Variants in CNTNAP2 observed in about 807,000 individuals in gnomAD.
The protein encoded by CNTNAP2 is contactin-associated protein-like 2.
In CNTNAP2, 98 loss-of-function variants were observed where a neutral mutation model predicts 155.2. The observed-to-expected ratio is 0.63, with a 90% CI of 0.54 to 0.75. The LOEUF (loss-of-function observed/expected upper bound fraction) is 0.75. Ranked by LOEUF, CNTNAP2 falls within the 30% of genes least tolerant of loss-of-function variation. CNTNAP2 has a pLI of 0.00. For missense variants in CNTNAP2, 1,727 were observed against 1,688.1 expected (o/e 1.02, Z -0.40); for synonymous variants, 651 against 631.2 (o/e 1.03, Z -0.47).
intron 13 of CNTNAP2, among the ~76,000 whole-genome samples, chr7:147,759,278 TTTCTCCAGACAA>T (rs1753446449): frequency 6.6e-6 from 1 of 152,184 alleles, no homozygotes; most frequent in Admixed American, 6.5e-5. Flanking sequence ...CTGCAGCCTG[TTTCTCCAGACAA>T]CTCAAAATTG....
chr7:146,845,772 T>C (rs1803829414), intron 3 of CNTNAP2, among the ~76,000 whole-genome samples: 2 of 152,210 alleles, frequency 1.3e-5, no homozygotes, highest in Admixed American at 1.3e-4. Context: ...AATACATGTT[T>C]AGATAGTGCA....
chr7:146,340,653 T>C (rs751043584), intron 1 of CNTNAP2, among the ~76,000 whole-genome samples: 3 of 152,144 alleles, frequency 2.0e-5, no homozygotes, highest in Non-Finnish European at 2.9e-5. Flanking sequence ...GGTTAACAAA[T>C]GTTAGCGATA....
chr7:146,688,022 G>A (rs1478315586), intron 1 of CNTNAP2, among the ~76,000 whole-genome samples: 2 of 152,118 alleles, frequency 1.3e-5, no homozygotes, highest in African/African-American at 4.8e-5. Flanking sequence ...CTTAATTTCT[G>A]TGGCTAAAAA....
intron 15 of CNTNAP2, among the ~76,000 whole-genome samples, chr7:148,023,237 T>A (rs968476476): frequency 6.6e-6 from 1 of 152,168 alleles, no homozygotes; most frequent in African/African-American, 2.4e-5. Context: ...AAATACATTA[T>A]AAGCCTGGGA....
At chr7:146,856,247 A>AGAT (rs1482784324) in intron 3 of CNTNAP2, among the ~76,000 whole-genome samples, 21 of 151,148 alleles carry the variant, frequency 1.4e-4, no homozygotes, top group African/African-American at 5.1e-4. Context: ...ACAGACAGAT[A>AGAT]GATAGATGAT....
chr7:146,225,253 C>A (rs951764705), intron 1 of CNTNAP2, among the ~76,000 whole-genome samples: 8 of 152,060 alleles, frequency 5.3e-5, no homozygotes, highest in Admixed American at 1.3e-4. Flanking sequence ...TGAATTCATC[C>A]AATAAACTAC....
intron 11 of CNTNAP2, among the ~76,000 whole-genome samples, chr7:147,510,850 C>CATATATATATATATATATATATAT (rs61069153): frequency 0.024 from 1,793 of 75,666 alleles, 134 homozygotes; most frequent in Middle Eastern, 0.033. Context: ...GGCCTACAAC[C>CATATATATATATATATATATATAT]ATATATATAT....
At chr7:147,168,834 A>G (rs1489591473) in intron 8 of CNTNAP2, among the ~76,000 whole-genome samples, 1 of 152,130 alleles carries the variant, frequency 6.6e-6, no homozygotes, top group Non-Finnish European at 1.5e-5. Flanking sequence ...TCCCTTTCCT[A>G]AAGCTCTTCT....
At chr7:147,991,832 A>G (rs893467405) in intron 15 of CNTNAP2, among the ~76,000 whole-genome samples, 7 of 152,194 alleles carry the variant, frequency 4.6e-5, no homozygotes, top group African/African-American at 1.7e-4. Context: ...GCTATAAACT[A>G]CCTCACTCTG....
At chr7:146,475,479 G>A (rs1296796812) in intron 1 of CNTNAP2, among the ~76,000 whole-genome samples, 2 of 152,186 alleles carry the variant, frequency 1.3e-5, no homozygotes, top group Admixed American at 1.3e-4. Flanking sequence ...AGAGTGCAGA[G>A]GCCTTTAGGA....
intron 14 of CNTNAP2, among the ~76,000 whole-genome samples, chr7:147,953,988 GAC>G (rs911844725): frequency 7.2e-5 from 11 of 152,124 alleles, no homozygotes; most frequent in African/African-American, 2.7e-4. Flanking sequence ...CTTTTTGGAA[GAC>G]ACAGTTCTAC....
chr7:147,598,913 C>T (rs1387659682), intron 12 of CNTNAP2, among the ~76,000 whole-genome samples: 1 of 152,134 alleles, frequency 6.6e-6, no homozygotes, highest in Non-Finnish European at 1.5e-5. Flanking sequence ...GACATGTTTG[C>T]TTCCCCTTCT....
At chr7:147,629,716 G>A (rs945711037) in intron 12 of CNTNAP2, among the ~76,000 whole-genome samples, 3 of 151,978 alleles carry the variant, frequency 2.0e-5, no homozygotes, top group South Asian at 4.1e-4. Context: ...TAAATCACCT[G>A]TTCCTTAATG....
At chr7:147,753,806 T>G (rs1797175187) in intron 13 of CNTNAP2, among the ~76,000 whole-genome samples, 1 of 152,128 alleles carries the variant, frequency 6.6e-6, no homozygotes, top group Non-Finnish European at 1.5e-5. Flanking sequence ...AAGGATGAAT[T>G]AGGAGACAGA....
intron 13 of CNTNAP2, among the ~76,000 whole-genome samples, chr7:147,848,992 G>A (rs889526955): frequency 6.6e-6 from 1 of 151,932 alleles, no homozygotes; most frequent in African/African-American, 2.4e-5. Context: ...CTTATGCCAG[G>A]CTCCAGCTAC....
At chr7:147,605,114 C>A (rs1434727565) in intron 12 of CNTNAP2, among the ~76,000 whole-genome samples, 1 of 152,056 alleles carries the variant, frequency 6.6e-6, no homozygotes, top group Non-Finnish European at 1.5e-5. Context: ...AATCATCTGA[C>A]CTCAAGTGCA....
chr7:146,758,023 A>AT (rs1439996542), intron 1 of CNTNAP2, among the ~76,000 whole-genome samples: 2 of 152,240 alleles, frequency 1.3e-5, no homozygotes, highest in South Asian at 2.1e-4. Flanking sequence ...AACAGTGTTT[A>AT]TTTTTTGTAA....
chr7:148,372,511 C>T (rs189210427), intron 21 of CNTNAP2, among the ~76,000 whole-genome samples: 1 of 152,176 alleles, frequency 6.6e-6, no homozygotes, highest in East Asian at 1.9e-4. Context: ...AGTTAAAAAC[C>T]AGCCTGATCA....
intron 1 of CNTNAP2, among the ~76,000 whole-genome samples, chr7:146,262,705 T>G (rs1799938155): frequency 6.6e-6 from 1 of 152,066 alleles, no homozygotes; most frequent in Non-Finnish European, 1.5e-5. Flanking sequence ...AGTGTGAAAA[T>G]GAGGGGAAGT....
Sources: gnomAD v4.1 joint callset for allele counts (sites outside exome capture counted in the v4.1 genomes callset) on GRCh38, gnomAD v4.1.1 for gene constraint, MANE v1.5 for transcripts, NCBI Gene and HGNC (gene_info 2026-07-23, HGNC 2026-07-21) for gene names.